Variants in ACER3 observed in about 807,000 individuals in gnomAD.
ACER3 encodes the protein alkCDase 3.
A neutral mutation model predicts 48.9 loss-of-function variants in ACER3; 16 were observed. That is an observed-to-expected ratio of 0.33 (90% CI 0.22 to 0.50). The LOEUF is 0.50. Ranked by LOEUF, ACER3 falls within the 20% of genes least tolerant of loss-of-function variation. The probability of loss-of-function intolerance (pLI) is 0.98; values close to 1 mark genes in which losing one functional copy is unlikely to be tolerated. For synonymous variants in ACER3, 109 were observed against 107.8 expected (o/e 1.01, Z -0.07); for missense variants, 227 against 326.0 (o/e 0.70, Z 2.34).
chr11:76,984,756 A>G (rs773816018), intron 4 of ACER3, among the ~76,000 whole-genome samples: 5 of 152,252 alleles, frequency 3.3e-5, no homozygotes, highest in Non-Finnish European at 4.4e-5. Context: ...CTCCAATAAT[A>G]TTCCTTAGGA....
intron 10 of ACER3, 71 bp from the exon 11 acceptor site, chr11:77,020,203 T>A: frequency 6.6e-7 from 1 of 1,524,848 alleles, no homozygotes; most frequent in South Asian, 1.1e-5. Flanking sequence ...GGATTCTTTC[T>A]CATTCTTTTT....
At chr11:76,930,736 C>T (rs948816467) in intron 2 of ACER3, among the ~76,000 whole-genome samples, 3 of 152,064 alleles carry the variant, frequency 2.0e-5, no homozygotes, top group Non-Finnish European at 2.9e-5. Context: ...AGTAGTCATT[C>T]AGGAGTAGGT....
At chr11:76,914,938 A>G (rs1590925310) in intron 1 of ACER3, among the ~76,000 whole-genome samples, 3 of 152,178 alleles carry the variant, frequency 2.0e-5, no homozygotes, top group Admixed American at 2.0e-4. Flanking sequence ...TCAGCAAACT[A>G]TCACAAAGAC....
chr11:76,899,972 G>A (rs1946038933), intron 1 of ACER3, among the ~76,000 whole-genome samples: 1 of 152,156 alleles, frequency 6.6e-6, no homozygotes, highest in Admixed American at 6.5e-5. Context: ...CACATATTTT[G>A]TGCATGTATT....
At chr11:76,942,647 T>C (rs1019457473) in intron 2 of ACER3, among the ~76,000 whole-genome samples, 8 of 152,038 alleles carry the variant, frequency 5.3e-5, no homozygotes, top group Non-Finnish European at 1.0e-4. Flanking sequence ...GTAGTTTTCT[T>C]TTTTGTTTTT....
chr11:76,929,456 T>C (rs951589477), intron 2 of ACER3, among the ~76,000 whole-genome samples: 7 of 152,202 alleles, frequency 4.6e-5, no homozygotes, highest in Non-Finnish European at 8.8e-5. Flanking sequence ...GCTTTATTTC[T>C]TTCTCCTGCC....
rs376920235 is a variant in ACER3 at position 76,860,974 on chromosome 11, G to C, written c.-3G>C. On this transcript the variant is annotated 5_prime_UTR_variant, in exon 1 of 11. Transcript: ENST00000532485. ...GCGCCTGGGCGGCGGCGGCGGCGGC[G>C]TGATGGCTCCGGCCGCGGACCGAGA... The C allele has an allele frequency of 1.3e-6, 2 of 1,530,170 alleles. No individual in the cohort carries two copies. The highest frequency in any genetic ancestry group is 1.8e-6 in the Non-Finnish European group (2 of 1,138,910). The allele number at this position is 1,530,170 out of a possible 1,614,324, so 94.8% of individuals were successfully genotyped here. A position where few individuals can be genotyped will look rare whatever the true frequency, so the allele number is the denominator to read the frequency against.
At position 76,996,115 on chromosome 11, in the gene ACER3, A is replaced by G. The variant is rs188646473; in HGVS notation, c.439-2648A>G. 2.3e-4 allele frequency among the ~76,000 whole-genome samples: 35 copies of G among 152,198 alleles called. 1 individual carries two copies. In the East Asian group the frequency reaches 4.6e-3, roughly 20 times the overall value. Reference sequence around the variant, plus strand: ...ATGCACCTAACTGTCCATGCCACAAACCAGGCCATCATCCTTGTCTTTCCC... The same window carrying G: ...ATGCACCTAACTGTCCATGCCACAAGCCAGGCCATCATCCTTGTCTTTCCC... On this transcript the variant is annotated intron_variant, in intron 6 of 10. Coordinates refer to ENST00000532485, the MANE Select transcript of ACER3 (RefSeq NM_018367.7).
At chr11:77,004,296 G>A (rs782773715) in intron 7 of ACER3, among the ~76,000 whole-genome samples, 3 of 152,154 alleles carry the variant, frequency 2.0e-5, no homozygotes, top group Non-Finnish European at 2.9e-5. Context: ...CCAAAGTGTC[G>A]AGTATACAAA....
chr11:76,911,268 C>T (rs1187883897), intron 1 of ACER3, among the ~76,000 whole-genome samples: 12 of 152,162 alleles, frequency 7.9e-5, no homozygotes, highest in South Asian at 2.1e-4. Context: ...AGGAAAGGGG[C>T]GGGCAATTCC....
At chr11:76,908,134 G>A (rs1301330857) in intron 1 of ACER3, among the ~76,000 whole-genome samples, 1 of 152,004 alleles carries the variant, frequency 6.6e-6, no homozygotes, top group East Asian at 1.9e-4. Context: ...TACTTGGGAG[G>A]CTGAGGTAGG....
chr11:77,010,777 G>A lies in ACER3; in HGVS notation c.498-4239G>A, dbSNP rs1040995021. 4.9e-4 allele frequency among the ~76,000 whole-genome samples: 74 copies of A among 152,172 alleles called. 1 individual carries two copies. Among genetic ancestry groups the A allele is most frequent in the Non-Finnish European group, 1.9e-4 (13 of 68,048 alleles). On this transcript the variant is annotated intron_variant, in intron 7 of 10. Transcript: ENST00000532485. ...AATATATACAAAGGATCAGGAATCA[G>A]AATGGCTTTGGGCTTGCCAAAGCAA...
chr11:76,917,775 C>A (rs1342273266), intron 1 of ACER3, among the ~76,000 whole-genome samples: 1 of 150,102 alleles, frequency 6.7e-6, no homozygotes, highest in Non-Finnish European at 1.5e-5. Flanking sequence ...GTGGGAGGAT[C>A]ACTTGAGCCC....
chr11:76,863,976 A>G (rs1945007949), intron 1 of ACER3, among the ~76,000 whole-genome samples: 1 of 152,242 alleles, frequency 6.6e-6, no homozygotes, highest in African/African-American at 2.4e-5. Context: ...GAAGACAGAT[A>G]TGAAATACTA....
At chr11:76,986,831 G>A (rs528870390) in intron 5 of ACER3, among the ~76,000 whole-genome samples, 2 of 152,246 alleles carry the variant, frequency 1.3e-5, no homozygotes, top group African/African-American at 4.8e-5. Flanking sequence ...TTGGGAGGCT[G>A]AGGCTGGTGG....
intron 2 of ACER3, among the ~76,000 whole-genome samples, chr11:76,953,327 G>A (rs112886599): frequency 6.6e-6 from 1 of 152,056 alleles, no homozygotes; most frequent in South Asian, 2.1e-4. Context: ...GGCTGGGTGC[G>A]GTGGCTTACA....
intron 4 of ACER3, among the ~76,000 whole-genome samples, chr11:76,984,714 G>C (rs1425415626): frequency 1.3e-5 from 2 of 152,158 alleles, no homozygotes; most frequent in Non-Finnish European, 2.9e-5. Flanking sequence ...AGATAGATAA[G>C]GGAAGAGACA....
chr11:76,951,629 T>C (rs1437362182), intron 2 of ACER3, among the ~76,000 whole-genome samples: 1 of 152,228 alleles, frequency 6.6e-6, no homozygotes, highest in African/African-American at 2.4e-5. Flanking sequence ...CCTTCTATTC[T>C]TCTGCCCTAT....
intron 1 of ACER3, among the ~76,000 whole-genome samples, chr11:76,882,985 AT>A (rs890162528): frequency 6.0e-5 from 9 of 149,226 alleles, no homozygotes; most frequent in East Asian, 2.0e-4. Flanking sequence ...TCAGTGCCAT[AT>A]TTTTTTTTTC....
Sources: gnomAD v4.1 joint callset for allele counts (sites outside exome capture counted in the v4.1 genomes callset) on GRCh38, gnomAD v4.1.1 for gene constraint, MANE v1.5 for transcripts, NCBI Gene and HGNC (gene_info 2026-07-23, HGNC 2026-07-21) for gene names.